EPG5: variants seen among roughly 807,000 people sequenced by gnomAD.
The protein encoded by EPG5 is ectopic P-granules 5 autophagy tethering factor, also known as ectopic P granules protein 5 homolog.
A neutral mutation model predicts 302.7 loss-of-function variants in EPG5; 159 were observed. The observed-to-expected ratio is 0.53, with a 90% CI of 0.46 to 0.60. The LOEUF is 0.60. Ranked by LOEUF, EPG5 falls within the 20% of genes least tolerant of loss-of-function variation. EPG5 has a pLI of 0.00. For missense variants in EPG5, 2,896 were observed against 3,092.4 expected, an observed-to-expected ratio of 0.94 and a Z score of 1.51; for synonymous variants, 1,158 against 1,136.8, an observed-to-expected ratio of 1.02 and a Z score of -0.37.
rs376288663 is a variant in EPG5, at chr18:45,912,895, C to A, written c.3817-439G>T. ...TTCAGGTCAAGAGTTCAAGACCAGC[C>A]TGGCCAACACGGCAAAACCTTGTCT... On this transcript the variant is annotated intron_variant, in intron 21 of 43. Coordinates refer to ENST00000282041, the MANE Select transcript of EPG5 (RefSeq NM_020964.3). Among the ~76,000 whole-genome samples the A allele has an allele frequency of 5.3e-4, 80 of 152,236 alleles. 1 individual carries two copies. The South Asian group carries it at 0.016, about 31-fold the overall frequency.
chr18:45,830,407 C>G, the EPG5 span, among the ~76,000 whole-genome samples: 63 of 152,120 alleles, frequency 4.1e-4, no homozygotes, highest in African/African-American at 1.5e-3. Context: ...AGAGCTAATG[C>G]CCGATGCGGC....
At chr18:45,885,475 G>A (rs780544796) in intron 29 of EPG5, among the ~76,000 whole-genome samples, 4 of 152,080 alleles carry the variant, frequency 2.6e-5, no homozygotes, top group East Asian at 1.9e-4. Flanking sequence ...GCTGCATTAC[G>A]TCAGAAAACA....
chr18:45,897,492 C>T (rs1244468874), intron 27 of EPG5, among the ~76,000 whole-genome samples: 1 of 152,158 alleles, frequency 6.6e-6, no homozygotes, highest in African/African-American at 2.4e-5. Context: ...ACTTTTCTCC[C>T]AGTTTTATTA....
chr18:45,955,136 G>A lies in EPG5; in HGVS notation c.266C>T (p.Thr89Ile), dbSNP rs1300823685. The change falls in exon 2 of 44, where the codon ACT (threonine) becomes ATT (isoleucine). Residue 89 changes from threonine to isoleucine, a missense_variant. Around this residue, in one of 5 missense-constraint regions of EPG5, gnomAD observed 1,390 missense variants for 1,430.0 expected, o/e 0.97. Transcript: ENST00000282041. Reference protein sequence around the residue: ...EMFDVPLTSLTISNEESLTCN... With the variant: ...EMFDVPLTSLIISNEESLTCN... ...CGTCAGGGACTCTTCATTGCTTATAGTTAAGGAGGTGAGTGGTACATCAAA... is the reference window on the plus strand; with the variant it reads ...CGTCAGGGACTCTTCATTGCTTATAATTAAGGAGGTGAGTGGTACATCAAA... The A allele has an allele frequency of 6.2e-7, 1 of 1,614,066 alleles. No individual in the cohort carries two copies. Among genetic ancestry groups the A allele is most frequent in the African/African-American group, 1.3e-5 (1 of 75,014 alleles).
At chr18:45,876,786 AT>A (rs887769565) in intron 34 of EPG5, among the ~76,000 whole-genome samples, 109 of 146,440 alleles carry the variant, frequency 7.4e-4, no homozygotes, top group South Asian at 1.7e-3. Context: ...AGCAAATAAA[AT>A]TTTTTTTTTT....
chr18:45,928,477 T>A (rs948915673), intron 13 of EPG5, among the ~76,000 whole-genome samples: 1 of 152,226 alleles, frequency 6.6e-6, no homozygotes, highest in Non-Finnish European at 1.5e-5. Flanking sequence ...CTACATACTA[T>A]TTATTTTGCT....
Position 45,870,705 on chromosome 18 carries a change from C to T in EPG5, c.6087G>A (p.Leu2029=). The change falls in exon 36 of 44, where the codon TTG becomes TTA. Residue 2029 remains leucine (L), a synonymous_variant. Coordinates refer to ENST00000282041, the MANE Select transcript of EPG5 (RefSeq NM_020964.3). ...LLPGDAGALW[L]HLMHYCEACT... ...ATGCTTCACAATAATGCATCAGGTG[C>T]AACCAAAGGGCTCCTGCATCACCTG... 6.2e-7 allele frequency: 1 copy of T among 1,609,084 alleles called. No individual in the cohort carries two copies. The highest frequency in any genetic ancestry group is 8.5e-7 in the Non-Finnish European group (1 of 1,177,686).
In EPG5 at chr18:45,888,309, A is replaced by AT. The variant is rs1245944629; in HGVS notation, c.4953-403dup. On this transcript the variant is annotated intron_variant, in intron 28 of 43. Transcript: ENST00000282041. ...TTCTTTTATTTATTTTATTTTATTT[A>AT]TTTATTTATTTTTTGACGGAGTCTC... Among the ~76,000 whole-genome samples, 310 of 147,668 alleles carry AT rather than the reference A, an allele frequency of 2.1e-3. 1 individual carries two copies. Among genetic ancestry groups the AT allele is most frequent in the African/African-American group, 7.6e-3 (296 of 38,834 alleles).
chr18:45,953,556 CTCT>C, intron 2 of EPG5: 2 of 985,336 alleles, frequency 2.0e-6, no homozygotes, highest in East Asian at 2.3e-4. Context: ...CAAGAGTAAC[CTCT>C]TCTTCCTTGC....
chr18:45,948,537 T>A lies in EPG5; in HGVS notation c.1537A>T (p.Met513Leu). The A allele has an allele frequency of 3.1e-6, 5 of 1,613,980 alleles. No individual in the cohort carries two copies. Among genetic ancestry groups the A allele is most frequent in the Non-Finnish European group, 4.2e-6 (5 of 1,179,944 alleles). Residue 513 changes from methionine (M) to leucine (L), a missense_variant, in exon 6 of 44, where the codon ATG (methionine) becomes TTG (leucine). Physicochemically the swap from Met to Leu is conservative, Grantham distance 15 (BLOSUM62 2). Transcript: ENST00000282041. ...LHNPSGVFHF[M>L]QSLALLMSPV... Reference sequence around the variant, plus strand: ...GACATCAGCAGGGCAAGGGATTGCATAAAATGAAAGACCCCTGATGGGTTA... The same window carrying A: ...GACATCAGCAGGGCAAGGGATTGCAAAAAATGAAAGACCCCTGATGGGTTA...
intron 2 of EPG5, chr18:45,953,438 A>G: frequency 2.0e-6 from 2 of 985,188 alleles, no homozygotes; most frequent in South Asian, 4.7e-5. Context: ...TTCCCTCCTT[A>G]CTATGTACAG....
intron 28 of EPG5, among the ~76,000 whole-genome samples, chr18:45,888,850 T>C (rs1326267739): frequency 1.3e-5 from 2 of 152,240 alleles, no homozygotes; most frequent in East Asian, 3.8e-4. Flanking sequence ...TTGCATGTAA[T>C]TCATAATTTG....
At chr18:45,802,380 C>CA in the EPG5 span, among the ~76,000 whole-genome samples, 1 of 152,078 alleles carries the variant, frequency 6.6e-6, no homozygotes, top group African/African-American at 2.4e-5. Flanking sequence ...ATTAGCCGGG[C>CA]ATGATGGCAT....
At chr18:45,853,807 A>C (rs536404386) in intron 43 of EPG5, among the ~76,000 whole-genome samples, 17 of 152,296 alleles carry the variant, frequency 1.1e-4, no homozygotes, top group African/African-American at 4.1e-4. Flanking sequence ...TAAGAATAGG[A>C]ATCAACTGGG....
At chr18:45,953,562 T>C in intron 2 of EPG5, 1 of 985,378 alleles carries the variant, frequency 1.0e-6, no homozygotes, top group Non-Finnish European at 1.2e-6. Flanking sequence ...TAACCTCTTC[T>C]TCCTTGCCAT....
intron 35 of EPG5, among the ~76,000 whole-genome samples, chr18:45,871,649 G>A (rs1339447282): frequency 6.6e-6 from 1 of 152,172 alleles, no homozygotes; most frequent in East Asian, 1.9e-4. Context: ...TGAATCTGGA[G>A]AACTCATGCT....
At chr18:45,846,696 G>T (rs1194183744), downstream of EPG5, among the ~76,000 whole-genome samples, 1 of 152,128 alleles carries the variant, frequency 6.6e-6, no homozygotes, top group African/African-American at 2.4e-5. Context: ...CCTCGAGCAA[G>T]AAAGAATTCA....
the EPG5 span, among the ~76,000 whole-genome samples, chr18:45,804,917 G>T: frequency 6.6e-6 from 1 of 151,986 alleles, no homozygotes; most frequent in East Asian, 1.9e-4. Context: ...ATGTCATATG[G>T]TAATCATAAC....
the EPG5 span, chr18:45,837,218 G>C: frequency 7.1e-7 from 1 of 1,415,170 alleles, no homozygotes; most frequent in Non-Finnish European, 9.3e-7. Flanking sequence ...GGGTCAAGGG[G>C]CCTGCAGGTG....
Sources: allele counts gnomAD v4.1 joint callset (sites outside exome capture counted in the v4.1 genomes callset), GRCh38; gene constraint gnomAD v4.1.1; regional missense constraint gnomAD v4.1.1; transcripts MANE v1.5; gene names NCBI Gene and HGNC (gene_info 2026-07-23, HGNC 2026-07-21).